The following PARD3B variants were observed in gnomAD, a reference collection of about 807,000 sequenced individuals.
PARD3B encodes the protein par-3 family cell polarity regulator beta, also known as partitioning defective 3 homolog B.
Under a neutral mutation model 130.2 loss-of-function variants are expected in PARD3B, and 103 were observed. The observed-to-expected ratio is 0.79, with a 90% CI of 0.67 to 0.93. PARD3B has a LOEUF of 0.93. Among genes scored for constraint, PARD3B ranks in the 40% least tolerant of loss-of-function variants. The pLI is 0.00. For missense variants in PARD3B, 1,609 were observed against 1,499.2 expected, an observed-to-expected ratio of 1.07 and a Z score of -1.21; for synonymous variants, 583 against 553.2, an observed-to-expected ratio of 1.05 and a Z score of -0.76.
rs1412054008 is a variant in PARD3B, at chr2:204,669,324, G to T, written c.121-16857G>T. 2.0e-5 allele frequency among the ~76,000 whole-genome samples: 3 copies of T among 151,916 alleles called. No homozygotes were observed. The highest frequency in any genetic ancestry group is 4.4e-5 in the Non-Finnish European group (3 of 67,968). On this transcript the variant is annotated intron_variant, in intron 1 of 22. Coordinates refer to ENST00000406610, the MANE Select transcript of PARD3B (RefSeq NM_001302769.2). The surrounding 1 kb of genome is among the most constrained non-coding windows in gnomAD (Gnocchi z 4.3). ...GGGCAACCATGTTTACTTTCATAAGGAGTAATTTTTTTTACCTATACAAAA... is the reference window on the plus strand; with the variant it reads ...GGGCAACCATGTTTACTTTCATAAGTAGTAATTTTTTTTACCTATACAAAA...
At chr2:204,773,516 T>C (rs1414716675) in intron 2 of PARD3B, among the ~76,000 whole-genome samples, 2 of 152,154 alleles carry the variant, frequency 1.3e-5, no homozygotes, top group African/African-American at 4.8e-5. Context: ...ATTCACATCT[T>C]TTACAAAACT....
At chr2:204,908,746 A>G (rs916628338) in intron 2 of PARD3B, among the ~76,000 whole-genome samples, 1 of 152,214 alleles carries the variant, frequency 6.6e-6, no homozygotes, top group Non-Finnish European at 1.5e-5. Flanking sequence ...ATCTAAAAAG[A>G]ATTGATGCCC....
chr2:205,481,247 T>C (rs1243641521), intron 20 of PARD3B, among the ~76,000 whole-genome samples: 1 of 152,106 alleles, frequency 6.6e-6, no homozygotes, highest in Non-Finnish European at 1.5e-5. Context: ...GTCAAAGGCA[T>C]AGAGCAGGGT....
chr2:205,035,374 G>T (rs1294618977), intron 3 of PARD3B, among the ~76,000 whole-genome samples: 4 of 152,090 alleles, frequency 2.6e-5, no homozygotes, highest in Non-Finnish European at 5.9e-5. Flanking sequence ...TTTTAATTCT[G>T]TGCTGCATTT....
chr2:205,297,141 A>G (rs751313890), intron 16 of PARD3B, among the ~76,000 whole-genome samples: 14 of 152,178 alleles, frequency 9.2e-5, no homozygotes, highest in Non-Finnish European at 1.8e-4. Context: ...CATCAGCTAT[A>G]GATGAAAATA....
intron 4 of PARD3B, among the ~76,000 whole-genome samples, chr2:205,051,587 T>C (rs1352766292): frequency 6.6e-6 from 1 of 152,212 alleles, no homozygotes; most frequent in East Asian, 1.9e-4. Flanking sequence ...TTAGTTGCAC[T>C]TCATTAGGCT....
chr2:205,316,210 G>T lies in PARD3B; in HGVS notation c.2630+14509G>T, dbSNP rs180926812. On this transcript the variant is annotated intron_variant, in intron 18 of 22. Coordinates refer to ENST00000406610, the MANE Select transcript of PARD3B (RefSeq NM_001302769.2). ...ATAAGAAAGAGGGTGAGCTGCATTG[G>T]GAGTTAATTATTTTTTTTTAATTTC... Among the ~76,000 whole-genome samples, 120 of 152,126 alleles carry T rather than the reference G, an allele frequency of 7.9e-4. 1 individual carries two copies. Among genetic ancestry groups the T allele is most frequent in the African/African-American group, 2.5e-3 (103 of 41,520 alleles).
chr2:204,566,527 C>T (rs1237837096), intron 1 of PARD3B, among the ~76,000 whole-genome samples: 6 of 152,004 alleles, frequency 3.9e-5, no homozygotes, highest in Non-Finnish European at 7.4e-5. Context: ...ACTACAACAA[C>T]GTTTGTCTTA....
intron 20 of PARD3B, among the ~76,000 whole-genome samples, chr2:205,479,195 T>G (rs1313812532): frequency 1.3e-5 from 2 of 152,190 alleles, no homozygotes; most frequent in Non-Finnish European, 2.9e-5. Context: ...GAAGGTGGTG[T>G]TGAGCGGTTT....
rs557143420 is a variant in PARD3B, at chr2:204,820,071, C to CTTT, written c.222+133808_222+133810dup. ...GAAGGTGGCTACATTAAACAATAGACTTTTTTTTTTTTTTTTTTTTTGAGA... is the reference window on the plus strand; with the variant it reads ...GAAGGTGGCTACATTAAACAATAGACTTTTTTTTTTTTTTTTTTTTTTTTGAGA... On this transcript the variant is annotated intron_variant, in intron 2 of 22. Coordinates refer to ENST00000406610, the MANE Select transcript of PARD3B (RefSeq NM_001302769.2). Among the ~76,000 whole-genome samples, 169 of 98,380 alleles carry CTTT rather than the reference C, an allele frequency of 1.7e-3. 8 individuals are homozygous for CTTT. The highest frequency in any genetic ancestry group is 3.3e-3 in the East Asian group (10 of 3,060). The allele number at this position is 98,380 out of a possible 152,430, so 64.5% of individuals were successfully genotyped here.
intron 2 of PARD3B, among the ~76,000 whole-genome samples, chr2:204,731,029 T>C (rs1053798930): frequency 4.6e-5 from 7 of 152,202 alleles, no homozygotes; most frequent in Non-Finnish European, 8.8e-5. Context: ...GAGAAATTAT[T>C]TGATGCACTG....
intron 16 of PARD3B, among the ~76,000 whole-genome samples, chr2:205,255,840 G>T (rs1255566562): frequency 6.6e-6 from 1 of 152,114 alleles, no homozygotes; most frequent in Non-Finnish European, 1.5e-5. Context: ...TCCAAACCCT[G>T]TGCTCTTGGG....
At chr2:205,111,379 T>G (rs1361279746) in intron 5 of PARD3B, among the ~76,000 whole-genome samples, 1 of 152,032 alleles carries the variant, frequency 6.6e-6, no homozygotes, top group African/African-American at 2.4e-5. Flanking sequence ...AAAATAGAAC[T>G]CAACTTTTAA....
intron 20 of PARD3B, among the ~76,000 whole-genome samples, chr2:205,476,536 G>T (rs1183427554): frequency 6.6e-6 from 1 of 151,962 alleles, no homozygotes; most frequent in Non-Finnish European, 1.5e-5. Flanking sequence ...GTCTATGTTG[G>T]GTTTGAACAT....
At chr2:205,390,203 A>C (rs2045805076) in intron 18 of PARD3B, among the ~76,000 whole-genome samples, 1 of 151,686 alleles carries the variant, frequency 6.6e-6, no homozygotes, top group African/African-American at 2.4e-5. Context: ...TTATGACACA[A>C]TGGAAAAGTT....
intron 14 of PARD3B, 49 bp from the exon 15 acceptor site, chr2:205,193,156 A>T: frequency 7.3e-7 from 1 of 1,371,090 alleles, no homozygotes; most frequent in Non-Finnish European, 1.0e-6. Flanking sequence ...CTCATTTTTT[A>T]AAAGATTTTA....
intron 3 of PARD3B, among the ~76,000 whole-genome samples, chr2:205,024,916 G>C (rs905921674): frequency 1.1e-4 from 16 of 152,070 alleles, no homozygotes; most frequent in Non-Finnish European, 2.1e-4. Context: ...TTTTTATTCT[G>C]TTTGCCGTTT....
chr2:205,151,920 A>G (rs537960747), intron 10 of PARD3B, among the ~76,000 whole-genome samples: 1 of 152,296 alleles, frequency 6.6e-6, no homozygotes, highest in Admixed American at 6.5e-5. Flanking sequence ...TTCCATGTTT[A>G]GTGCTTCCTT....
intron 15 of PARD3B, 42 bp from the exon 16 acceptor site, chr2:205,245,736 C>T (rs768377254): frequency 6.8e-7 from 1 of 1,481,240 alleles, no homozygotes; most frequent in Admixed American, 1.7e-5. Context: ...GTCTGATTTA[C>T]AAGCCGGTCT....
Sources: gnomAD v4.1 joint callset for allele counts (sites outside exome capture counted in the v4.1 genomes callset) on GRCh38, gnomAD v4.1.1 for gene constraint, Gnocchi (gnomAD v3.1) non-coding constraint, MANE v1.5 for transcripts, NCBI Gene and HGNC (gene_info 2026-07-23, HGNC 2026-07-21) for gene names.